Variants in KCNK13 observed in about 807,000 individuals in gnomAD.
KCNK13 encodes the protein potassium channel subfamily K member 13.
In KCNK13, 12 loss-of-function variants were observed where a neutral mutation model predicts 23.4. The ratio of observed to expected loss-of-function variants is 0.51; its 90% CI spans 0.33 to 0.83. The LOEUF is 0.83. Ranked by LOEUF, KCNK13 falls within the 40% of genes least tolerant of loss-of-function variation. The pLI is 0.02. For missense variants in KCNK13, 463 were observed against 556.3 expected (o/e 0.83, Z 1.69); for synonymous variants, 231 against 229.5 (o/e 1.01, Z -0.06).
At chr14:90,076,918 C>T (rs960868300) in intron 1 of KCNK13, among the ~76,000 whole-genome samples, 1 of 152,154 alleles carries the variant, frequency 6.6e-6, no homozygotes, top group Non-Finnish European at 1.5e-5. Context: ...TTCCCGAGTT[C>T]ACTCCATTCT....
chr14:90,141,520 C>T (rs28557363), intron 1 of KCNK13, among the ~76,000 whole-genome samples: 4,541 of 152,068 alleles, frequency 0.03, 213 homozygotes, highest in African/African-American at 0.1. Flanking sequence ...GGAAATGGCA[C>T]GATCTTGGCT....
chr14:90,062,232 C>A lies in KCNK13; in HGVS notation c.27C>A (p.Gly9=). 7.6e-7 allele frequency: 1 copy of A among 1,318,370 alleles called. No homozygotes were observed. The allele number at this position is 1,318,370 out of a possible 1,614,324, so 81.7% of individuals were successfully genotyped here. A position where few individuals can be genotyped will look rare whatever the true frequency, so the allele number is the denominator to read the frequency against. The part of the protein sequence containing the change: MAGRGFSW[G]PGHLNEDNAR... ...TGGCTGGCCGGGGTTTCAGCTGGGG[C>A]CCGGGCCACCTGAACGAGGACAACG... The change falls in exon 1 of 2, where the codon GGC becomes GGA. Residue 9 remains glycine (G), a synonymous_variant. Transcript: ENST00000282146. The surrounding 1 kb of genome is among the most constrained non-coding windows in gnomAD (Gnocchi z 4.5).
intron 1 of KCNK13, among the ~76,000 whole-genome samples, chr14:90,166,087 A>G (rs1890299444): frequency 6.6e-6 from 1 of 152,202 alleles, no homozygotes; most frequent in Non-Finnish European, 1.5e-5. Context: ...TTCACTTATA[A>G]ACTACTTGTT....
chr14:90,163,410 C>T (rs926865418), intron 1 of KCNK13, among the ~76,000 whole-genome samples: 1 of 152,196 alleles, frequency 6.6e-6, no homozygotes, highest in Non-Finnish European at 1.5e-5. Context: ...GATAGGAGAG[C>T]CTCTGAGATA....
intron 1 of KCNK13, among the ~76,000 whole-genome samples, chr14:90,091,741 T>G (rs1596773693): frequency 6.6e-6 from 1 of 151,682 alleles, no homozygotes; most frequent in Non-Finnish European, 1.5e-5. Context: ...ATTTAGGAAG[T>G]GAGGTTTGAA....
At chr14:90,072,557 G>A (rs1288056527) in intron 1 of KCNK13, among the ~76,000 whole-genome samples, 1 of 152,190 alleles carries the variant, frequency 6.6e-6, no homozygotes, top group South Asian at 2.1e-4. Context: ...GGAGCGCATA[G>A]CATCGCTCTT....
At chr14:90,063,329 G>T (rs892341400) in intron 1 of KCNK13, among the ~76,000 whole-genome samples, 16 of 152,114 alleles carry the variant, frequency 1.1e-4, no homozygotes, top group African/African-American at 3.6e-4. Flanking sequence ...GAGGCACCTG[G>T]GAGCCATTGA....
At chr14:90,095,595 A>G (rs751524527) in intron 1 of KCNK13, among the ~76,000 whole-genome samples, 3 of 152,118 alleles carry the variant, frequency 2.0e-5, no homozygotes, top group Admixed American at 6.5e-5. Context: ...AAACTTGTTC[A>G]GATGGTCTAA....
chr14:90,142,137 C>T (rs557159720), intron 1 of KCNK13, among the ~76,000 whole-genome samples: 5 of 151,912 alleles, frequency 3.3e-5, no homozygotes, highest in South Asian at 4.2e-4. Flanking sequence ...AGGTAACTAG[C>T]GATCTGCTCT....
intron 1 of KCNK13, among the ~76,000 whole-genome samples, chr14:90,179,576 C>A (rs1890462438): frequency 6.6e-6 from 1 of 152,156 alleles, no homozygotes; most frequent in African/African-American, 2.4e-5. Flanking sequence ...TTTAAAGGAA[C>A]TAGACCAAAT....
chr14:90,134,966 C>T (rs17126578), intron 1 of KCNK13, among the ~76,000 whole-genome samples: 4,375 of 152,334 alleles, frequency 0.029, 195 homozygotes, highest in African/African-American at 0.1. Context: ...GTAGCCTGCT[C>T]ATCGTAGACA....
chr14:90,180,641 C>T (rs1239546236), intron 1 of KCNK13, among the ~76,000 whole-genome samples: 1 of 151,788 alleles, frequency 6.6e-6, no homozygotes, highest in African/African-American at 2.4e-5. Flanking sequence ...ATGTTAAAAC[C>T]AAAAAAATAA....
Position 90,062,506 on chromosome 14 carries a change from T to C in KCNK13, c.301T>C (p.Phe101Leu). The change falls in exon 1 of 2, where the codon TTC becomes CTC. Residue 101 changes from phenylalanine (F) to leucine (L), a missense_variant. Around this residue, in one of 3 missense-constraint regions of KCNK13, gnomAD observed 153 missense variants for 153.6 expected, o/e 1.00. Transcript: ENST00000282146. This position sits in a 1 kb window ranked among gnomAD's most constrained non-coding sequence, Gnocchi z 4.5. ...CCCGCGCTGGGACTTCACCGGCGCC[T>C]TCTACTTCGTGGGCACCGTCGTTTC... ...VRPRWDFTGAFYFVGTVVSTI... is the reference protein window; with the variant it reads ...VRPRWDFTGALYFVGTVVSTI... 6.5e-7 allele frequency: 1 copy of C among 1,527,112 alleles called. No individual in the cohort carries two copies. The highest frequency in any genetic ancestry group is 8.8e-7 in the Non-Finnish European group (1 of 1,137,110). The allele number at this position is 1,527,112 out of a possible 1,614,324, so 94.6% of individuals were successfully genotyped here.
chr14:90,173,562 G>A (rs559126505), intron 1 of KCNK13, among the ~76,000 whole-genome samples: 1 of 152,270 alleles, frequency 6.6e-6, no homozygotes, highest in Middle Eastern at 3.4e-3. Context: ...GCCAGGTGCA[G>A]TAAGGCCAGA....
At chr14:90,084,811 A>G (rs148654108) in intron 1 of KCNK13, among the ~76,000 whole-genome samples, 2 of 152,228 alleles carry the variant, frequency 1.3e-5, no homozygotes, top group African/African-American at 4.8e-5. Flanking sequence ...AGTGTGTTGA[A>G]TGTTTTTATC....
At chr14:90,132,037 G>A (rs932295366) in intron 1 of KCNK13, among the ~76,000 whole-genome samples, 4 of 152,194 alleles carry the variant, frequency 2.6e-5, no homozygotes, top group Admixed American at 1.3e-4. Flanking sequence ...CCAACTGTCC[G>A]TTGATAGGCA....
chr14:90,141,979 G>A (rs1483548051), intron 1 of KCNK13, among the ~76,000 whole-genome samples: 1 of 151,204 alleles, frequency 6.6e-6, no homozygotes, highest in African/African-American at 2.4e-5. Context: ...AGTAGAGATG[G>A]GGTTTCACTG....
At chr14:90,063,600 T>C (rs1396349634) in intron 1 of KCNK13, among the ~76,000 whole-genome samples, 1 of 152,076 alleles carries the variant, frequency 6.6e-6, no homozygotes, top group Non-Finnish European at 1.5e-5. Flanking sequence ...AGGCTGGCAG[T>C]TGCAAACAGC....
In KCNK13 at chr14:90,105,967, G is replaced by A. The variant is rs570119436; in HGVS notation, c.334+43428G>A. 2.5e-4 allele frequency among the ~76,000 whole-genome samples: 38 copies of A among 152,314 alleles called. 1 individual carries two copies. Among genetic ancestry groups the A allele is most frequent in the Middle Eastern group, 3.4e-3 (1 of 294 alleles). On this transcript the variant is annotated intron_variant, in intron 1 of 1. Transcript: ENST00000282146. Reference sequence around the variant, plus strand: ...TCCAGAGACTTGGGCAGGCTGAGCCGGCAGTGCTGGTGGCAGGAGGCCAAG... The same window carrying A: ...TCCAGAGACTTGGGCAGGCTGAGCCAGCAGTGCTGGTGGCAGGAGGCCAAG...
Sources: gnomAD v4.1 joint callset for allele counts (sites outside exome capture counted in the v4.1 genomes callset) on GRCh38, gnomAD v4.1.1 for gene constraint, gnomAD v4.1.1 regional missense constraint, Gnocchi (gnomAD v3.1) non-coding constraint, MANE v1.5 for transcripts, NCBI Gene and HGNC (gene_info 2026-07-23, HGNC 2026-07-21) for gene names.